The following PABPC4L variants were observed in gnomAD, a reference collection of about 807,000 sequenced individuals.
PABPC4L encodes poly(A) binding protein cytoplasmic 4 like.
For missense variants in PABPC4L, 452 were observed against 451.4 expected (o/e 1.00, Z -0.01); for synonymous variants, 169 against 164.1 (o/e 1.03, Z -0.23).
At chr4:134,177,817 T>G in the PABPC4L span, among the ~76,000 whole-genome samples, 1 of 152,052 alleles carries the variant, frequency 6.6e-6, no homozygotes, top group Non-Finnish European at 1.5e-5. Flanking sequence ...TGAACTCAGC[T>G]GATGAATGCA....
At chr4:134,121,333 G>A in the PABPC4L span, among the ~76,000 whole-genome samples, 2 of 149,922 alleles carry the variant, frequency 1.3e-5, no homozygotes, top group South Asian at 2.1e-4. Flanking sequence ...GTCTTCCTTC[G>A]AGTTTTGTAA....
the PABPC4L span, among the ~76,000 whole-genome samples, chr4:134,183,201 C>T: frequency 2.0e-5 from 3 of 151,710 alleles, no homozygotes; most frequent in Admixed American, 1.3e-4. Flanking sequence ...ACATGGAATC[C>T]ACCCAAATGC....
the PABPC4L span, among the ~76,000 whole-genome samples, chr4:134,190,543 C>T: frequency 6.6e-6 from 1 of 151,972 alleles, no homozygotes; most frequent in East Asian, 1.9e-4. Context: ...ATTTTCTTTT[C>T]TAATATATAC....
chr4:134,200,405 T>C lies in PABPC4L; in HGVS notation c.615A>G (p.Arg205=). The change falls in exon 2 of 2, where the codon AGA becomes AGG. Residue 205 remains arginine, a synonymous_variant. Transcript: ENST00000421491. Reference sequence around the variant, plus strand: ...CATATTTGCTGAAAACGTCCTTCAATCTCTCATCATCCATGTCACCTCCAA... The same window carrying C: ...CATATTTGCTGAAAACGTCCTTCAACCTCTCATCATCCATGTCACCTCCAA... ...KNFGGDMDDE[R]LKDVFSKYGK... is the part of the protein sequence containing the mutation. 1.3e-6 allele frequency: 2 copies of C among 1,558,456 alleles called. No homozygotes were observed. Among genetic ancestry groups the C allele is most frequent in the Non-Finnish European group, 1.7e-6 (2 of 1,150,304 alleles).
chr4:134,168,056 TAAATTTCA>T, the PABPC4L span, among the ~76,000 whole-genome samples: 2 of 151,936 alleles, frequency 1.3e-5, no homozygotes, highest in African/African-American at 4.8e-5. Flanking sequence ...ACAAGTCCTG[TAAATTTCA>T]AAATAATTAC....
chr4:134,021,284 T>C, the PABPC4L span, among the ~76,000 whole-genome samples: 1 of 152,096 alleles, frequency 6.6e-6, no homozygotes, highest in Non-Finnish European at 1.5e-5. Flanking sequence ...AAAGAGCAAC[T>C]GGGGGCTCAT....
chr4:133,967,278 C>A, the PABPC4L span, among the ~76,000 whole-genome samples: 3 of 151,958 alleles, frequency 2.0e-5, no homozygotes, highest in Non-Finnish European at 4.4e-5. Flanking sequence ...CAAGACCAGT[C>A]TCAGCAATAT....
chr4:133,950,140 C>T, the PABPC4L span, among the ~76,000 whole-genome samples: 3 of 152,192 alleles, frequency 2.0e-5, no homozygotes, highest in East Asian at 5.8e-4. Context: ...CCCTTAGCAT[C>T]CTCGAGTTTA....
chr4:133,982,489 A>G, the PABPC4L span, among the ~76,000 whole-genome samples: 3 of 152,048 alleles, frequency 2.0e-5, no homozygotes, highest in African/African-American at 4.8e-5. Context: ...CCTCTAGTGC[A>G]TTTATGGTGA....
chr4:134,126,140 G>C, the PABPC4L span, among the ~76,000 whole-genome samples: 23 of 152,254 alleles, frequency 1.5e-4, 1 homozygote, highest in African/African-American at 5.1e-4. Context: ...GGGAGAGAGA[G>C]AGAGAATGCA....
At chr4:134,047,744 T>C in the PABPC4L span, among the ~76,000 whole-genome samples, 1 of 151,326 alleles carries the variant, frequency 6.6e-6, no homozygotes, top group Non-Finnish European at 1.5e-5. Flanking sequence ...TAGCCAGTCA[T>C]AGTGCCTGAG....
At chr4:133,985,636 T>C in the PABPC4L span, among the ~76,000 whole-genome samples, 1 of 152,152 alleles carries the variant, frequency 6.6e-6, no homozygotes, top group East Asian at 1.9e-4. Flanking sequence ...ACAGGTATAG[T>C]TGCAATTATA....
chr4:134,152,362 G>A, the PABPC4L span, among the ~76,000 whole-genome samples: 2 of 152,064 alleles, frequency 1.3e-5, no homozygotes, highest in Admixed American at 6.6e-5. Context: ...GTAAGATCTT[G>A]GAGATTTCCT....
At chr4:134,145,754 T>C in the PABPC4L span, among the ~76,000 whole-genome samples, 3 of 152,010 alleles carry the variant, frequency 2.0e-5, no homozygotes, top group African/African-American at 7.2e-5. Context: ...AAAATGTTTA[T>C]ATAAAATAAA....
chr4:134,119,239 C>T, the PABPC4L span, among the ~76,000 whole-genome samples: 22 of 151,538 alleles, frequency 1.5e-4, no homozygotes, highest in Non-Finnish European at 2.1e-4. Context: ...TAAAAACAAG[C>T]GACAGTGACT....
At chr4:133,974,256 G>T in the PABPC4L span, among the ~76,000 whole-genome samples, 76 of 152,174 alleles carry the variant, frequency 5.0e-4, no homozygotes, top group East Asian at 0.012. Flanking sequence ...ATTTAATGGA[G>T]AATAGTCTTT....
chr4:134,040,768 C>T, the PABPC4L span, among the ~76,000 whole-genome samples: 1 of 152,070 alleles, frequency 6.6e-6, no homozygotes, highest in Non-Finnish European at 1.5e-5. Flanking sequence ...GCAAAAGAAA[C>T]TATCATCAGA....
the PABPC4L span, among the ~76,000 whole-genome samples, chr4:134,075,091 T>G: frequency 6.6e-6 from 1 of 152,326 alleles, no homozygotes; most frequent in East Asian, 1.9e-4. Flanking sequence ...TTTCTTATAA[T>G]TGAATTAAAG....
chr4:134,043,933 C>A, the PABPC4L span, among the ~76,000 whole-genome samples: 2 of 144,872 alleles, frequency 1.4e-5, no homozygotes, highest in Admixed American at 1.4e-4. Context: ...TGTGTGTCGA[C>A]GGATGTCTGT....
Sources: allele counts gnomAD v4.1 joint callset (sites outside exome capture counted in the v4.1 genomes callset), GRCh38; gene constraint gnomAD v4.1.1; transcripts MANE v1.5; gene names NCBI Gene and HGNC (gene_info 2026-07-23, HGNC 2026-07-21).